Variants in KIAA0319 observed in about 807,000 individuals in gnomAD.
The protein encoded by KIAA0319 is dyslexia-associated protein KIAA0319.
Under a neutral mutation model 108.4 loss-of-function variants are expected in KIAA0319, and 83 were observed. The observed-to-expected ratio is 0.77, with a 90% CI of 0.64 to 0.92. The LOEUF (loss-of-function observed/expected upper bound fraction) is 0.92. Among genes scored for constraint, KIAA0319 ranks in the 40% least tolerant of loss-of-function variants. The pLI, the probability that KIAA0319 is intolerant of heterozygous loss-of-function variation, is 0.00. For synonymous variants in KIAA0319, 484 were observed against 510.4 expected (o/e 0.95, Z 0.70); for missense variants, 1,195 against 1,322.4 (o/e 0.90, Z 1.49).
At chr6:24,603,382 T>A (rs1770927287) in intron 1 of KIAA0319, among the ~76,000 whole-genome samples, 1 of 152,110 alleles carries the variant, frequency 6.6e-6, no homozygotes. Flanking sequence ...TAACAAAGGC[T>A]CCCAGGAGGA....
intron 8 of KIAA0319, 25 bp downstream of exon 8, chr6:24,579,833 C>T: frequency 6.4e-7 from 1 of 1,564,476 alleles, no homozygotes; most frequent in Non-Finnish European, 8.7e-7. Flanking sequence ...AAAAAGAAAT[C>T]CCTAAACTAT....
At chr6:24,634,818 G>A (rs549549396) in intron 1 of KIAA0319, among the ~76,000 whole-genome samples, 35 of 152,172 alleles carry the variant, frequency 2.3e-4, no homozygotes, top group South Asian at 6.2e-4. Flanking sequence ...CAAAATCACA[G>A]AAATAGTCTG....
Position 24,553,292 on chromosome 6 carries a change from TATACACACACACACAC to T in KIAA0319, c.2948+1233_2948+1248del, listed in dbSNP as rs1317800141. On this transcript the variant is annotated intron_variant, in intron 19 of 20. Transcript: ENST00000378214. ...TGAGATAGATATATATATATATATATATACACACACACACACACACACACACACACACACACACACA... is the reference window on the plus strand; with the variant it reads ...TGAGATAGATATATATATATATATATACACACACACACACACACACACACA... Among the ~76,000 whole-genome samples, 8 of 95,016 alleles carry T rather than the reference TATACACACACACACAC, an allele frequency of 8.4e-5. 1 individual carries two copies. Among genetic ancestry groups the T allele is most frequent in the Non-Finnish European group, 1.0e-4 (5 of 47,718 alleles). The allele number at this position is 95,016 out of a possible 152,430, so 62.3% of individuals were successfully genotyped here. A position where few individuals can be genotyped will look rare whatever the true frequency, so the allele number is the denominator to read the frequency against.
intron 3 of KIAA0319, among the ~76,000 whole-genome samples, chr6:24,595,544 C>A (rs1322530255): frequency 2.9e-5 from 1 of 34,614 alleles, no homozygotes; most frequent in Non-Finnish European, 4.2e-5. Context: ...GAGATTCAAT[C>A]TCAAAAAAAA....
chr6:24,601,431 G>T, intron 1 of KIAA0319: 2 of 520,052 alleles, frequency 3.8e-6, no homozygotes, highest in Non-Finnish European at 2.5e-6. Flanking sequence ...TACAAGCTGT[G>T]GAAATAAACG....
rs1767859688 is a variant in KIAA0319, at chr6:24,588,188, C to T, written c.994+405G>A. Among the ~76,000 whole-genome samples the T allele has an allele frequency of 2.6e-5, 4 of 152,208 alleles. No homozygotes were observed. The South Asian group carries it at 6.2e-4, about 24-fold the overall frequency. On this transcript the variant is annotated intron_variant, in intron 4 of 20. Transcript: ENST00000378214. ...AAGTGCTCAGTAAATACAATGATCA[C>T]GATTGTTATGAAACATGTTGCTCCC...
intron 1 of KIAA0319, among the ~76,000 whole-genome samples, chr6:24,636,716 A>C (rs1245187177): frequency 1.3e-5 from 2 of 152,258 alleles, no homozygotes; most frequent in East Asian, 3.8e-4. Flanking sequence ...AGCAGCCCAC[A>C]GCAGCAGATC....
rs1037842791 is a variant in KIAA0319 at position 24,579,786 on chromosome 6, T to G, written c.1372+72A>C. 28 of 1,215,112 alleles carry G rather than the reference T, an allele frequency of 2.3e-5. No individual in the cohort carries two copies. In the African/African-American group the frequency reaches 4.3e-4, roughly 19 times the overall value. The allele number at this position is 1,215,112 out of a possible 1,614,324, so 75.3% of individuals were successfully genotyped here. ...AGCCCATAAGTCCTCCTAGCTTTGA[T>G]GCAGAGCACTCATTACATTTCGTAG... On this transcript the variant is annotated intron_variant, in intron 8 of 20. Coordinates refer to ENST00000378214, the MANE Select transcript of KIAA0319 (RefSeq NM_014809.4).
intron 1 of KIAA0319, among the ~76,000 whole-genome samples, chr6:24,619,706 G>A (rs913043629): frequency 6.6e-6 from 1 of 152,098 alleles, no homozygotes; most frequent in African/African-American, 2.4e-5. Context: ...AATGCACGAG[G>A]GGGGAAATGG....
chr6:24,607,414 G>C (rs1771585228), intron 1 of KIAA0319, among the ~76,000 whole-genome samples: 1 of 151,338 alleles, frequency 6.6e-6, no homozygotes, highest in South Asian at 2.1e-4. Flanking sequence ...TCTGATAAGT[G>C]ACACTATTTG....
chr6:24,609,312 G>A (rs575706722), intron 1 of KIAA0319, among the ~76,000 whole-genome samples: 43 of 149,802 alleles, frequency 2.9e-4, no homozygotes, highest in African/African-American at 8.1e-4. Flanking sequence ...AAGAAAGTCC[G>A]GGCGCAGTGG....
chr6:24,556,797 G>A, intron 17 of KIAA0319, 68 bp from the exon 18 acceptor site: 2 of 1,529,100 alleles, frequency 1.3e-6, no homozygotes, highest in East Asian at 2.3e-5. Flanking sequence ...AGCTTCTTTT[G>A]TATCTTCAGT....
At position 24,599,699 on chromosome 6, in the gene KIAA0319, C is replaced by A; in HGVS notation, c.55+1350G>T. The A allele has an allele frequency of 1.7e-6, 1 of 599,046 alleles. No homozygotes were observed. Among genetic ancestry groups the A allele is most frequent in the Non-Finnish European group, 3.1e-6 (1 of 325,498 alleles). 37.1% of individuals were successfully genotyped at this position (599,046 alleles called of 1,614,324 possible). A position where few individuals can be genotyped will look rare whatever the true frequency, so the allele number is the denominator to read the frequency against. ...GCGGGTGCTCCAGCTCCTTCAGCAG[C>A]ACCAACTCCTTCAGGGCCATGGTTG... On this transcript the variant is annotated intron_variant, in intron 2 of 20. Transcript: ENST00000378214. The surrounding 1 kb of genome is among the most constrained non-coding windows in gnomAD (Gnocchi z 4.1).
intron 1 of KIAA0319, among the ~76,000 whole-genome samples, chr6:24,601,528 G>C (rs1562042170): frequency 1.3e-5 from 2 of 152,214 alleles, no homozygotes; most frequent in Non-Finnish European, 2.9e-5. Flanking sequence ...GTTTTTGGCA[G>C]AGACTCAAAG....
chr6:24,557,282 A>G (rs1466585962), intron 17 of KIAA0319, among the ~76,000 whole-genome samples: 1 of 152,162 alleles, frequency 6.6e-6, no homozygotes, highest in Non-Finnish European at 1.5e-5. Flanking sequence ...TGAGTGGATC[A>G]CTTGAGGCCA....
intron 1 of KIAA0319, among the ~76,000 whole-genome samples, chr6:24,637,605 C>G (rs1488942348): frequency 6.6e-6 from 1 of 152,140 alleles, no homozygotes; most frequent in African/African-American, 2.4e-5. Flanking sequence ...CTTAATGGAG[C>G]TTATGTTGAG....
At chr6:24,580,380 G>C (rs1440109729) in intron 7 of KIAA0319, among the ~76,000 whole-genome samples, 2 of 150,700 alleles carry the variant, frequency 1.3e-5, no homozygotes, top group Non-Finnish European at 3.0e-5. Context: ...GGCTGAAGTG[G>C]GTACAAGGGA....
chr6:24,628,027 T>G (rs745999890), intron 1 of KIAA0319, among the ~76,000 whole-genome samples: 44 of 152,234 alleles, frequency 2.9e-4, no homozygotes, highest in Non-Finnish European at 5.3e-4. Flanking sequence ...AGTTAGACAT[T>G]ATTCATCATT....
At chr6:24,550,743 A>T (rs539823402) in intron 20 of KIAA0319, among the ~76,000 whole-genome samples, 78 of 152,230 alleles carry the variant, frequency 5.1e-4, no homozygotes, top group African/African-American at 1.8e-3. Flanking sequence ...GAGTGTCTTC[A>T]ACTGCCCCCA....
Sources: allele counts gnomAD v4.1 joint callset (sites outside exome capture counted in the v4.1 genomes callset), GRCh38; gene constraint gnomAD v4.1.1; non-coding constraint Gnocchi (gnomAD v3.1); transcripts MANE v1.5; gene names NCBI Gene and HGNC (gene_info 2026-07-23, HGNC 2026-07-21).